DISC1: variants seen among roughly 807,000 people sequenced by gnomAD.
DISC1 encodes the protein DISC1 scaffold protein.
Under a neutral mutation model 84.5 loss-of-function variants are expected in DISC1, and 57 were observed. The observed-to-expected ratio is 0.67, with a 90% confidence interval of 0.55 to 0.84. The LOEUF (loss-of-function observed/expected upper bound fraction) is 0.84, where lower values mean the gene tolerates loss of function less well. Ranked by LOEUF, DISC1 falls within the 40% of genes least tolerant of loss-of-function variation. The probability of loss-of-function intolerance (pLI) is 0.00; values close to 1 mark genes in which losing one functional copy is unlikely to be tolerated. For synonymous variants in DISC1, 411 were observed against 415.2 expected, an observed-to-expected ratio of 0.99 and a Z score of 0.12; for missense variants, 1,000 against 1,057.8, an observed-to-expected ratio of 0.95 and a Z score of 0.76.
chr1:232,029,131 G>A (rs1480048756), intron 12 of DISC1, among the ~76,000 whole-genome samples: 1 of 152,158 alleles, frequency 6.6e-6, no homozygotes, highest in Non-Finnish European at 1.5e-5. Flanking sequence ...CTGATGTTAT[G>A]TTTTTTGAGA....
At chr1:231,802,214 C>T (rs2079325514) in intron 8 of DISC1, among the ~76,000 whole-genome samples, 1 of 152,202 alleles carries the variant, frequency 6.6e-6, no homozygotes, top group East Asian at 1.9e-4. Context: ...ATTGTAATCC[C>T]CACATTCAAG....
intron 1 of DISC1, among the ~76,000 whole-genome samples, chr1:231,684,371 A>AT (rs1365215238): frequency 1.3e-5 from 2 of 152,162 alleles, no homozygotes; most frequent in Non-Finnish European, 2.9e-5. Flanking sequence ...TGTGTTTAAT[A>AT]TATAATTACA....
chr1:231,905,045 C>T (rs2088525046), intron 9 of DISC1, among the ~76,000 whole-genome samples: 2 of 152,104 alleles, frequency 1.3e-5, no homozygotes, highest in South Asian at 4.1e-4. Flanking sequence ...CCTCAGAATA[C>T]TTATTAAATA....
chr1:231,975,031 C>CG (rs1662587364), intron 10 of DISC1, among the ~76,000 whole-genome samples: 1 of 152,082 alleles, frequency 6.6e-6, no homozygotes. Context: ...ACCTGGGAGG[C>CG]AAGGTTGCAG....
In DISC1 at chr1:231,694,298, AGAGTT is replaced by A; in HGVS notation, c.545_549del (p.Leu182Ter). The stretch of plus-strand genomic sequence containing the variant: ...GGGCAGCAGGCTCTCTGCCATCAGC[AGAGTT>A]GAGTAGCAACAGCTGCAGCCCTGGC... On this transcript the variant is annotated frameshift_variant, in exon 2 of 13. Coordinates refer to ENST00000439617, the MANE Select transcript of DISC1 (RefSeq NM_018662.3). LOFTEE classifies it high-confidence loss of function. 3 of 1,614,280 alleles carry A rather than the reference AGAGTT, an allele frequency of 1.9e-6. No homozygotes were observed. Among genetic ancestry groups the A allele is most frequent in the Non-Finnish European group, 2.5e-6 (3 of 1,180,042 alleles).
intron 9 of DISC1, among the ~76,000 whole-genome samples, chr1:231,885,974 C>T (rs2086652835): frequency 6.6e-6 from 1 of 152,154 alleles, no homozygotes; most frequent in Non-Finnish European, 1.5e-5. Context: ...CTGGGAAGTT[C>T]AAGATCAAGG....
chr1:231,645,542 T>C (rs2060049862), intron 1 of DISC1, among the ~76,000 whole-genome samples: 1 of 152,108 alleles, frequency 6.6e-6, no homozygotes, highest in Non-Finnish European at 1.5e-5. Context: ...TATTATACTT[T>C]AAGGTCTGGG....
chr1:231,742,741 C>G (rs1382518536), intron 3 of DISC1, among the ~76,000 whole-genome samples: 4 of 151,956 alleles, frequency 2.6e-5, no homozygotes, highest in Admixed American at 6.6e-5. Context: ...GGCTCCTTAG[C>G]TACAAAAATA....
chr1:231,687,673 T>C lies in DISC1; in HGVS notation c.68-6153T>C, dbSNP rs1372212966. Among the ~76,000 whole-genome samples, 3 of 152,220 alleles carry C rather than the reference T, an allele frequency of 2.0e-5. No individual in the cohort carries two copies. The East Asian group carries it at 5.8e-4, about 29-fold the overall frequency. On this transcript the variant is annotated intron_variant, in intron 1 of 12. Coordinates refer to ENST00000439617, the MANE Select transcript of DISC1 (RefSeq NM_018662.3). ...ATGGATGGTGGTGTTGAAAATGCACTTTCTGTTGGACTTCCAATTTTAGGC... is the reference window on the plus strand; with the variant it reads ...ATGGATGGTGGTGTTGAAAATGCACCTTCTGTTGGACTTCCAATTTTAGGC...
chr1:231,707,611 T>G (rs1178318456), intron 3 of DISC1, among the ~76,000 whole-genome samples: 1 of 152,186 alleles, frequency 6.6e-6, no homozygotes, highest in Non-Finnish European at 1.5e-5. Context: ...TTGGCTATGA[T>G]CTCTGCCCTT....
At chr1:232,018,269 A>G (rs1668659544) in intron 11 of DISC1, among the ~76,000 whole-genome samples, 1 of 152,138 alleles carries the variant, frequency 6.6e-6, no homozygotes, top group Non-Finnish European at 1.5e-5. Flanking sequence ...TATATTCCCT[A>G]CCCTTTGAAT....
rs368661269 is a variant in DISC1 at position 231,771,295 on chromosome 1, C to T, written c.1634+225C>T. 9.3e-5 allele frequency: 91 copies of T among 982,840 alleles called. No homozygotes were observed. The Middle Eastern group carries it at 4.2e-3, about 45-fold the overall frequency. The allele number at this position is 982,840 out of a possible 1,614,324, so 60.9% of individuals were successfully genotyped here. On this transcript the variant is annotated intron_variant, in intron 6 of 12. Coordinates refer to ENST00000439617, the MANE Select transcript of DISC1 (RefSeq NM_018662.3). ...GGCCACTTAACCCACTAAATGCCAG[C>T]GACCCTCCCCATTCCAATATGCACC... is the stretch of plus-strand genomic sequence containing the variant.
intron 1 of DISC1, among the ~76,000 whole-genome samples, chr1:231,631,720 T>C (rs2058726411): frequency 6.6e-6 from 1 of 151,968 alleles, no homozygotes; most frequent in African/African-American, 2.4e-5. Flanking sequence ...TAAGCTGTGT[T>C]TTTATAAAAA....
intron 9 of DISC1, among the ~76,000 whole-genome samples, chr1:231,876,653 C>T (rs2085910189): frequency 6.6e-6 from 1 of 152,194 alleles, no homozygotes; most frequent in Non-Finnish European, 1.5e-5. Flanking sequence ...TGTCTGAACA[C>T]TCCACACGTT....
chr1:231,789,881 T>A (rs2078189957), intron 6 of DISC1, among the ~76,000 whole-genome samples: 1 of 152,166 alleles, frequency 6.6e-6, no homozygotes, highest in South Asian at 2.1e-4. Flanking sequence ...AAGGGAGCCC[T>A]TTTTCATTTC....
intron 3 of DISC1, among the ~76,000 whole-genome samples, chr1:231,721,890 A>G (rs1272459302): frequency 6.6e-6 from 1 of 152,142 alleles, no homozygotes; most frequent in African/African-American, 2.4e-5. Context: ...ACGGTGGCTC[A>G]CGCCTGGAAT....
intron 9 of DISC1, among the ~76,000 whole-genome samples, chr1:231,864,482 T>C (rs1266732522): frequency 6.6e-6 from 1 of 152,008 alleles, no homozygotes; most frequent in Non-Finnish European, 1.5e-5. Flanking sequence ...GCTAACACAG[T>C]GAAACCCCGT....
At chr1:231,909,662 G>A (rs1286505056) in intron 9 of DISC1, among the ~76,000 whole-genome samples, 1 of 152,112 alleles carries the variant, frequency 6.6e-6, no homozygotes, top group Non-Finnish European at 1.5e-5. Flanking sequence ...GCCAGGCTTT[G>A]GTATCAGGAT....
chr1:231,926,816 G>GGGC (rs1262200268), intron 9 of DISC1, among the ~76,000 whole-genome samples: 1 of 152,184 alleles, frequency 6.6e-6, no homozygotes, highest in East Asian at 1.9e-4. Flanking sequence ...GGTGGAGAGA[G>GGGC]GGCTCAAATG....
Sources: allele counts gnomAD v4.1 joint callset (sites outside exome capture counted in the v4.1 genomes callset), GRCh38; gene constraint gnomAD v4.1.1; transcripts MANE v1.5; gene names NCBI Gene and HGNC (gene_info 2026-07-23, HGNC 2026-07-21).